The following GPAT3 variants were observed in gnomAD, a reference collection of about 807,000 sequenced individuals.
GPAT3 encodes 1-AGP acyltransferase 9.
A neutral mutation model predicts 58.8 loss-of-function variants in GPAT3; 53 were observed. The observed-to-expected ratio is 0.90, with a 90% CI of 0.72 to 1.13. The LOEUF is 1.13. GPAT3 is among the 50% of genes most tolerant of loss of function. The probability of loss-of-function intolerance (pLI) is 0.00; values close to 1 mark genes in which losing one functional copy is unlikely to be tolerated. For synonymous variants in GPAT3, 197 were observed against 187.4 expected (o/e 1.05, Z -0.42); for missense variants, 511 against 527.6 (o/e 0.97, Z 0.31).
At position 83,554,753 on chromosome 4, in the gene GPAT3, G is replaced by T. The variant is rs531975637; in HGVS notation, c.208+10151G>T. On this transcript the variant is annotated intron_variant, in intron 2 of 11. Transcript: ENST00000264409. ...CATACTTTCTGATTCTCCTCTTGAT[G>T]TTTAAGGTGACTCCTCTTCTACACA... Among the ~76,000 whole-genome samples, 4 of 147,472 alleles carry T rather than the reference G, an allele frequency of 2.7e-5. No individual in the cohort carries two copies. In the South Asian group the frequency reaches 8.6e-4, roughly 32 times the overall value.
At chr4:83,559,332 T>C (rs1276668445) in intron 2 of GPAT3, among the ~76,000 whole-genome samples, 1 of 152,094 alleles carries the variant, frequency 6.6e-6, no homozygotes, top group Non-Finnish European at 1.5e-5. Flanking sequence ...GATTTTTTTT[T>C]TGTTTTTTGG....
intron 3 of GPAT3, 126 bp from the exon 4 acceptor site, chr4:83,587,129 T>A: frequency 1.4e-6 from 1 of 708,002 alleles, no homozygotes; most frequent in South Asian, 1.8e-5. Context: ...GTTATTTTAG[T>A]GGCTGCATCA....
intron 2 of GPAT3, among the ~76,000 whole-genome samples, chr4:83,549,988 G>A (rs1052296323): frequency 1.3e-5 from 2 of 150,640 alleles, no homozygotes; most frequent in Admixed American, 6.6e-5. Flanking sequence ...CTCCCAAAGT[G>A]TTGGGATTAC....
intron 2 of GPAT3, among the ~76,000 whole-genome samples, chr4:83,574,151 G>A (rs1323756667): frequency 6.6e-6 from 1 of 152,166 alleles, no homozygotes; most frequent in African/African-American, 2.4e-5. Flanking sequence ...GAATGCTGAA[G>A]GTTTTGCTGC....
chr4:83,537,448 A>G (rs970169942), intron 1 of GPAT3, among the ~76,000 whole-genome samples: 3 of 152,152 alleles, frequency 2.0e-5, no homozygotes, highest in African/African-American at 7.2e-5. Context: ...TTAAGTGTCA[A>G]AAGGCTGGGT....
chr4:83,541,193 C>G (rs570514793), intron 1 of GPAT3, among the ~76,000 whole-genome samples: 20 of 152,100 alleles, frequency 1.3e-4, no homozygotes, highest in African/African-American at 4.8e-4. Flanking sequence ...TTCCCTTAGG[C>G]ACTAAATGTC....
At chr4:83,600,590 C>T (rs1053789911) in intron 11 of GPAT3, among the ~76,000 whole-genome samples, 2 of 152,220 alleles carry the variant, frequency 1.3e-5, no homozygotes, top group South Asian at 2.1e-4. Context: ...GCAACTTCCA[C>T]CTCCTGGGTT....
chr4:83,554,961 G>A (rs190505274), intron 2 of GPAT3, among the ~76,000 whole-genome samples: 151 of 152,098 alleles, frequency 9.9e-4, no homozygotes, highest in African/African-American at 3.4e-3. Flanking sequence ...ACGCCACCAT[G>A]CCCGGCTAAT....
rs1416403260 is a variant in GPAT3 at position 83,581,849 on chromosome 4, G to A, written c.479+17G>A. 2.5e-6 allele frequency: 4 copies of A among 1,589,082 alleles called. No individual in the cohort carries two copies. The highest frequency in any genetic ancestry group is 3.4e-6 in the Non-Finnish European group (4 of 1,164,748). On this transcript the variant is annotated intron_variant, in intron 3 of 11. Transcript: ENST00000264409. The stretch of plus-strand genomic sequence containing the variant: ...GCCTCTGAGGTAAGTCATATGCCTG[G>A]TAATTTGATGATACGCTTGACTCAG...
At chr4:83,557,276 C>T (rs1053004181) in intron 2 of GPAT3, among the ~76,000 whole-genome samples, 7 of 152,182 alleles carry the variant, frequency 4.6e-5, no homozygotes, top group South Asian at 2.1e-4. Context: ...ATGTAGCAAT[C>T]GGAGTATTGA....
intron 2 of GPAT3, among the ~76,000 whole-genome samples, chr4:83,569,838 T>TAA (rs797004680): frequency 6.8e-6 from 1 of 147,920 alleles, no homozygotes; most frequent in Non-Finnish European, 1.5e-5. Flanking sequence ...CTGCCTCAGT[T>TAA]AAAAAAAAAA....
At chr4:83,535,719 C>G, upstream of GPAT3, 10 of 985,354 alleles carry the variant, frequency 1.0e-5, no homozygotes, top group Non-Finnish European at 1.2e-5. Flanking sequence ...GATTGAGCCC[C>G]ACAGCTGTAG....
intron 2 of GPAT3, among the ~76,000 whole-genome samples, chr4:83,546,177 G>T (rs913860205): frequency 3.3e-5 from 5 of 152,054 alleles, no homozygotes; most frequent in Admixed American, 1.3e-4. Flanking sequence ...TAGAGAAGGG[G>T]TTTCACCATG....
chr4:83,593,166 C>CTTTTTTTTTTTTTTTT (rs761351611), intron 6 of GPAT3, among the ~76,000 whole-genome samples: 9 of 112,368 alleles, frequency 8.0e-5, no homozygotes, highest in African/African-American at 9.3e-5. Flanking sequence ...CGAGCCAGGA[C>CTTTTTTTTTTTTTTTT]TTTTTTTTTT....
chr4:83,553,255 G>C (rs1369937912), intron 2 of GPAT3, among the ~76,000 whole-genome samples: 1 of 152,128 alleles, frequency 6.6e-6, no homozygotes, highest in African/African-American at 2.4e-5. Flanking sequence ...CGAAGTGATG[G>C]GTGTGAAGAG....
chr4:83,557,991 T>C (rs1725000108), intron 2 of GPAT3, among the ~76,000 whole-genome samples: 1 of 152,156 alleles, frequency 6.6e-6, no homozygotes, highest in Admixed American at 6.5e-5. Flanking sequence ...GGCAGGTGAA[T>C]CACCTGAGGT....
At chr4:83,576,127 CTGA>C (rs1725804497) in intron 2 of GPAT3, among the ~76,000 whole-genome samples, 2 of 152,144 alleles carry the variant, frequency 1.3e-5, no homozygotes, top group Admixed American at 6.5e-5. Flanking sequence ...TTTGCTCATT[CTGA>C]TGTTTCAGAA....
chr4:83,576,116 T>C (rs1029067167), intron 2 of GPAT3, among the ~76,000 whole-genome samples: 1 of 152,262 alleles, frequency 6.6e-6, no homozygotes, highest in Non-Finnish European at 1.5e-5. Context: ...TCATTCTGAC[T>C]TTTGCTCATT....
At chr4:83,538,995 A>G (rs146207645) in intron 1 of GPAT3, among the ~76,000 whole-genome samples, 1 of 152,288 alleles carries the variant, frequency 6.6e-6, no homozygotes, top group Non-Finnish European at 1.5e-5. Context: ...TGGAACTCCT[A>G]TGTTTGGGAG....
Sources: allele counts gnomAD v4.1 joint callset (sites outside exome capture counted in the v4.1 genomes callset), GRCh38; gene constraint gnomAD v4.1.1; transcripts MANE v1.5; gene names NCBI Gene and HGNC (gene_info 2026-07-23, HGNC 2026-07-21).